PHKA1: variants seen among roughly 807,000 people sequenced by gnomAD.
PHKA1 encodes the protein phosphorylase kinase regulatory subunit alpha 1, also known as phosphorylase b kinase regulatory subunit alpha, skeletal muscle isoform.
In PHKA1, 60 loss-of-function variants were observed where a neutral mutation model predicts 110.2. The ratio of observed to expected loss-of-function variants is 0.54; its 90% CI spans 0.44 to 0.68. The LOEUF (loss-of-function observed/expected upper bound fraction) is 0.68, where lower values mean the gene tolerates loss of function less well. Among genes scored for constraint, PHKA1 ranks in the 30% least tolerant of loss-of-function variants. PHKA1 has a pLI of 0.00. For synonymous variants in PHKA1, 316 were observed against 333.6 expected (o/e 0.95, Z 0.58); for missense variants, 801 against 942.5 (o/e 0.85, Z 1.97).
At chrX:72,618,568 G>T in intron 21 of PHKA1, 142 bp downstream of exon 21, 1 of 489,996 alleles carries the variant, frequency 2.0e-6, no homozygotes, top group South Asian at 3.1e-5. Flanking sequence ...GACAACTGAG[G>T]GTTTGAAGTC....
In PHKA1 at chrX:72,635,256, A is replaced by G; in HGVS notation, c.1613T>C (p.Met538Thr). ...GTCTGTTCTAAGCATTTCCACTATC[A>G]TCTTGTTGTCCAGAGCCAGGTAGAA... ...QQFYLALDNK[M>T]IVEMLRTDLS... The change falls in exon 16 of 32, where the codon ATG becomes ACG. Residue 538 changes from methionine to threonine, a missense_variant. Transcript: ENST00000373542. The G allele has an allele frequency of 1.7e-6, 2 of 1,210,836 alleles. No individual in the cohort carries two copies. The highest frequency in any genetic ancestry group is 5.9e-5 in the East Asian group (2 of 33,843).
intron 29 of PHKA1, 47 bp downstream of exon 29, chrX:72,593,057 G>A (rs1709883574): frequency 1.2e-6 from 1 of 851,108 alleles, no homozygotes; most frequent in South Asian, 2.0e-5. Context: ...AGGAGACTGA[G>A]AATTTCAAGG....
intron 8 of PHKA1, among the ~76,000 whole-genome samples, chrX:72,658,458 C>T (rs868976291): frequency 4.9e-5 from 2 of 40,435 alleles, no homozygotes; most frequent in Admixed American, 2.4e-4. Context: ...GACTTTGTTT[C>T]AAAAAAAAAA....
intron 4 of PHKA1, among the ~76,000 whole-genome samples, chrX:72,689,194 C>T (rs2054004190): frequency 8.9e-6 from 1 of 112,059 alleles, no homozygotes; most frequent in Non-Finnish European, 1.9e-5. Flanking sequence ...ATGTAAAAAG[C>T]ATGCATAAGA....
At chrX:72,667,231 CT>C (rs782635379) in intron 7 of PHKA1, 143 bp downstream of exon 7, 97 of 507,972 alleles carry the variant, frequency 1.9e-4, no homozygotes, top group Non-Finnish European at 3.2e-4. Context: ...GTATAGTATG[CT>C]TGTTAAATAT....
chrX:72,587,864 A>G (rs1480336174), intron 29 of PHKA1, among the ~76,000 whole-genome samples: 6 of 112,236 alleles, frequency 5.3e-5, no homozygotes, highest in African/African-American at 1.9e-4. Context: ...TAAAGGGATC[A>G]ATTCAACAAG....
At chrX:72,690,844 T>C (rs975900208) in intron 4 of PHKA1, among the ~76,000 whole-genome samples, 5 of 112,298 alleles carry the variant, frequency 4.5e-5, no homozygotes, top group African/African-American at 1.6e-4. Flanking sequence ...CTTGGCTCAC[T>C]GCAACCTCCG....
At chrX:72,584,196 C>G in intron 30 of PHKA1, 53 bp downstream of exon 30, 1 of 979,089 alleles carries the variant, frequency 1.0e-6, no homozygotes, top group Non-Finnish European at 1.5e-6. Context: ...CACTGGGATA[C>G]TTTAGCCAGC....
intron 2 of PHKA1, chrX:72,711,825 G>A (rs781980540): frequency 9.1e-6 from 1 of 109,648 alleles, no homozygotes; most frequent in Admixed American, 9.6e-5. Flanking sequence ...TTTTTTTTTG[G>A]TGGACCTATG....
Position 72,712,820 on chromosome X carries a change from C to G in PHKA1, c.196G>C (p.Asp66His). The change falls in exon 2 of 32, where the codon GAC (aspartate) becomes CAC (histidine). Residue 66 changes from aspartate (D) to histidine (H), a missense_variant. Asp to His is a moderately conservative substitution (Grantham distance 81, BLOSUM62 -1). Coordinates refer to ENST00000373542, the MANE Select transcript of PHKA1 (RefSeq NM_002637.4). Reference protein sequence around the residue: ...GLGLAYRKNADRDEDKAKAYE... With the variant: ...GLGLAYRKNAHRDEDKAKAYE... ...GCCTTTGCCTTATCCTCATCCCGGT[C>G]TGCATTCTTCCGATAGGCCAGGCCC... 8.3e-7 allele frequency: 1 copy of G among 1,210,101 alleles called. No homozygotes were observed. The highest frequency in any genetic ancestry group is 1.1e-6 in the Non-Finnish European group (1 of 894,165).
At chrX:72,683,743 CTTCT>C (rs2053937736) in intron 5 of PHKA1, among the ~76,000 whole-genome samples, 1 of 112,221 alleles carries the variant, frequency 8.9e-6, no homozygotes, top group Non-Finnish European at 1.9e-5. Flanking sequence ...TTTTGTCTAA[CTTCT>C]TTCACTAAGC....
At chrX:72,659,460 CCT>C (rs1487531894) in intron 8 of PHKA1, among the ~76,000 whole-genome samples, 4 of 110,713 alleles carry the variant, frequency 3.6e-5, no homozygotes, top group African/African-American at 1.3e-4. Flanking sequence ...GCCTCTGGGC[CCT>C]CTCAGTGGAC....
At chrX:72,687,854 T>G (rs1413447235) in intron 4 of PHKA1, among the ~76,000 whole-genome samples, 1 of 105,725 alleles carries the variant, frequency 9.5e-6, no homozygotes, top group Admixed American at 1.0e-4. Flanking sequence ...TGAGACAGAG[T>G]CTCGCTCTGT....
At chrX:72,645,654 T>C (rs782470296) in intron 13 of PHKA1, among the ~76,000 whole-genome samples, 85 of 112,439 alleles carry the variant, frequency 7.6e-4, no homozygotes, top group African/African-American at 2.5e-3. Flanking sequence ...GGCAATTCAT[T>C]CATTCATTAG....
At chrX:72,623,023 C>A in intron 18 of PHKA1, 86 bp downstream of exon 18, 1 of 1,195,431 alleles carries the variant, frequency 8.4e-7, no homozygotes, top group South Asian at 1.9e-5. Context: ...TGTGAGACTG[C>A]TGGCAGCATA....
At chrX:72,655,352 G>A (rs1289626184) in intron 10 of PHKA1, among the ~76,000 whole-genome samples, 7 of 111,855 alleles carry the variant, frequency 6.3e-5, no homozygotes, top group Non-Finnish European at 1.3e-4. Context: ...GATCGAAGCT[G>A]CAGTGAGCCA....
At chrX:72,648,151 C>G (rs2053383824) in intron 13 of PHKA1, among the ~76,000 whole-genome samples, 1 of 111,573 alleles carries the variant, frequency 9.0e-6, no homozygotes, top group Non-Finnish European at 1.9e-5. Context: ...TGTCAGTAGA[C>G]TAAACAAAAT....
chrX:72,709,266 A>G (rs782396655), intron 2 of PHKA1, among the ~76,000 whole-genome samples: 1 of 110,559 alleles, frequency 9.0e-6, no homozygotes, highest in Non-Finnish European at 1.9e-5. Context: ...TGATGGTACC[A>G]TGAATGCAAA....
chrX:72,691,159 G>C (rs868975874), intron 4 of PHKA1, among the ~76,000 whole-genome samples: 20 of 112,745 alleles, frequency 1.8e-4, no homozygotes, highest in African/African-American at 6.4e-4. Flanking sequence ...ATTTGTTGAA[G>C]AGACTATTCT....
Sources: allele counts gnomAD v4.1 joint callset (sites outside exome capture counted in the v4.1 genomes callset), GRCh38; gene constraint gnomAD v4.1.1; transcripts MANE v1.5; gene names NCBI Gene and HGNC (gene_info 2026-07-23, HGNC 2026-07-21).